Variants in MAP9 observed in about 807,000 individuals in gnomAD.
MAP9 encodes the protein microtubule associated protein 9.
A neutral mutation model predicts 75.2 loss-of-function variants in MAP9; 80 were observed. The ratio of observed to expected loss-of-function variants is 1.06; its 90% confidence interval spans 0.89 to 1.28. The LOEUF (loss-of-function observed/expected upper bound fraction) is 1.28. Ranked by LOEUF, MAP9 falls within the 50% of genes most tolerant of loss-of-function variation. The pLI is 0.00. For synonymous variants in MAP9, 235 were observed against 237.3 expected (o/e 0.99, Z 0.09); for missense variants, 753 against 719.9 (o/e 1.05, Z -0.53).
In MAP9 at chr4:155,355,120, T is replaced by C; in HGVS notation, c.1331A>G (p.His444Arg). 2 of 1,409,694 alleles carry C rather than the reference T, an allele frequency of 1.4e-6. No homozygotes were observed. Among genetic ancestry groups the C allele is most frequent in the Non-Finnish European group, 1.9e-6 (2 of 1,037,506 alleles). The allele number at this position is 1,409,694 out of a possible 1,614,324, so 87.3% of individuals were successfully genotyped here. Residue 444 changes from histidine to arginine, a missense_variant, in exon 10 of 14, where the codon CAC becomes CGC. Physicochemically the swap from His to Arg is conservative, Grantham distance 29. Coordinates refer to ENST00000311277, the MANE Select transcript of MAP9 (RefSeq NM_001039580.2). ...TTCACTTTCAATTCTTTTTATTCTG[T>C]GCATTTCATGTAAATACACATTTTT... is the stretch of plus-strand genomic sequence containing the variant. ...EKKNVYLHEM[H>R]RIKRIESENL...
At chr4:155,356,609 T>C (rs781093131) in intron 8 of MAP9, among the ~76,000 whole-genome samples, 54 of 152,154 alleles carry the variant, frequency 3.5e-4, no homozygotes, top group Non-Finnish European at 6.8e-4. Flanking sequence ...TTAGAAAGAA[T>C]AGTACTATCT....
rs41280485 is a variant in MAP9 at position 155,375,758 on chromosome 4, C to T, written c.75+18G>A. 0.081 allele frequency: 124,123 copies of T among 1,525,910 alleles called. 5,961 individuals carry two copies. Among genetic ancestry groups the T allele is most frequent in the Middle Eastern group, 0.13 (788 of 5,880 alleles). The allele number at this position is 1,525,910 out of a possible 1,614,324, so 94.5% of individuals were successfully genotyped here. ...CAGTGTTTACACTGTGAAATGATTC[C>T]AAATAAAAATACTTTACCTGGAAAG... is the stretch of plus-strand genomic sequence containing the variant. On this transcript the variant is annotated intron_variant, in intron 2 of 13. Coordinates refer to ENST00000311277, the MANE Select transcript of MAP9 (RefSeq NM_001039580.2).
intron 4 of MAP9, among the ~76,000 whole-genome samples, chr4:155,372,340 C>T (rs1374485262): frequency 2.0e-5 from 3 of 152,150 alleles, no homozygotes; most frequent in Non-Finnish European, 2.9e-5. Context: ...TTAACATCAA[C>T]TAATAATTCC....
intron 13 of MAP9, chr4:155,350,895 GGA>G (rs1731483082): frequency 1.3e-5 from 2 of 151,876 alleles, no homozygotes; most frequent in African/African-American, 4.8e-5. Flanking sequence ...GTGTTGTTCA[GGA>G]GAGTTCTACA....
chr4:155,352,885 A>G, intron 12 of MAP9, 27 bp downstream of exon 12: 2 of 1,470,198 alleles, frequency 1.4e-6, no homozygotes, highest in Non-Finnish European at 1.8e-6. Flanking sequence ...TTTAAAATAT[A>G]TCAAAATATT....
intron 5 of MAP9, 73 bp from the exon 6 acceptor site, chr4:155,362,214 T>A (rs1732116916): frequency 3.3e-6 from 3 of 918,608 alleles, no homozygotes; most frequent in Non-Finnish European, 5.0e-6. Flanking sequence ...ATAGCATTAT[T>A]AAAACTACAA....
chr4:155,362,209 A>T, intron 5 of MAP9, 68 bp from the exon 6 acceptor site: 1 of 961,564 alleles, frequency 1.0e-6, no homozygotes. Context: ...GAACAATAGC[A>T]TTATTAAAAC....
intron 5 of MAP9, among the ~76,000 whole-genome samples, chr4:155,363,590 A>G (rs1218896544): frequency 6.6e-6 from 1 of 152,132 alleles, no homozygotes; most frequent in African/African-American, 2.4e-5. Context: ...AAAAAATACC[A>G]ATAGAAAATC....
Position 155,345,012 on chromosome 4 carries a change from T to G in MAP9, c.*2771A>C, listed in dbSNP as rs1421992763. On this transcript the variant is annotated 3_prime_UTR_variant, in exon 14 of 14. Coordinates refer to ENST00000311277, the MANE Select transcript of MAP9 (RefSeq NM_001039580.2). ...TCCTTAATTTGAATTAAACATTCCC[T>G]TATAATACAAATTAATGTAAACCTA... 1 of 152,004 alleles carries G rather than the reference T, an allele frequency of 6.6e-6. No individual in the cohort carries two copies. The highest frequency in any genetic ancestry group is 1.5e-5 in the Non-Finnish European group (1 of 67,908). The allele number at this position is 152,004 out of a possible 1,614,324, so 9.4% of individuals were successfully genotyped here.
At chr4:155,375,324 G>A (rs1732793051) in intron 2 of MAP9, among the ~76,000 whole-genome samples, 1 of 151,958 alleles carries the variant, frequency 6.6e-6, no homozygotes, top group African/African-American at 2.4e-5. Context: ...AAATAAGAAG[G>A]GGCTCAATTT....
At chr4:155,362,173 A>G in intron 5 of MAP9, 32 bp from the exon 6 acceptor site, 1 of 1,234,006 alleles carries the variant, frequency 8.1e-7, no homozygotes, top group Non-Finnish European at 1.1e-6. Flanking sequence ...CATTTGCCAC[A>G]TAAGTTTAAT....
At chr4:155,357,933 T>G (rs1731879214) in intron 7 of MAP9, among the ~76,000 whole-genome samples, 1 of 151,976 alleles carries the variant, frequency 6.6e-6, no homozygotes, top group African/African-American at 2.4e-5. Flanking sequence ...CTGTTATCTC[T>G]GAAAAACAGA....
rs560260097 is a variant in MAP9, at chr4:155,375,946, T to G, written c.-64-32A>C. ...TATACAAAACAAATCAGACTTCGCA[T>G]GCTTCAGAATTTATTTTATTACATT... On this transcript the variant is annotated intron_variant, in intron 1 of 13. Transcript: ENST00000311277. The G allele has an allele frequency of 1.1e-4, 83 of 777,748 alleles. No individual in the cohort carries two copies. In the African/African-American group the frequency reaches 1.4e-3, roughly 13 times the overall value. The allele number at this position is 777,748 out of a possible 1,614,324, so 48.2% of individuals were successfully genotyped here.
rs1731592315 is a variant in MAP9 at position 155,353,067 on chromosome 4, T to A, written c.1543-10A>T. ...TCCATTTTTCAAAAGCCTGAAAAAG[T>A]TCAGAATAATTTTCTTACTGTGAAT... On this transcript the variant is annotated splice_polypyrimidine_tract_variant and intron_variant, in intron 11 of 13. Coordinates refer to ENST00000311277, the MANE Select transcript of MAP9 (RefSeq NM_001039580.2). The A allele has an allele frequency of 6.5e-7, 1 of 1,540,092 alleles. No homozygotes were observed. The highest frequency in any genetic ancestry group is 8.7e-7 in the Non-Finnish European group (1 of 1,143,024).
At position 155,374,997 on chromosome 4, in the gene MAP9, C is replaced by A. The variant is rs776603825; in HGVS notation, c.100G>T (p.Ala34Ser). 16 of 1,586,390 alleles carry A rather than the reference C, an allele frequency of 1.0e-5. No individual in the cohort carries two copies. Among genetic ancestry groups the A allele is most frequent in the Non-Finnish European group, 1.4e-5 (16 of 1,159,560 alleles). ...GAACTCCTTTGTCTGGCTGAGCGAG[C>A]TGTAATTGCTCTTATTAGCTCATCC... Reference protein sequence around the residue: ...FQDELIRAITARSARQRSSEY... With the variant: ...FQDELIRAITSRSARQRSSEY... The change falls in exon 3 of 14, where the codon GCT becomes TCT. Residue 34 changes from alanine to serine, a missense_variant. Coordinates refer to ENST00000311277, the MANE Select transcript of MAP9 (RefSeq NM_001039580.2).
chr4:155,360,918 C>T (rs1732047903), intron 6 of MAP9: 1 of 155,542 alleles, frequency 6.4e-6, no homozygotes, highest in African/African-American at 2.4e-5. Flanking sequence ...TTTCATCTCA[C>T]CAAGATGTAG....
At chr4:155,355,427 GAA>G (rs1315499702) in intron 9 of MAP9, among the ~76,000 whole-genome samples, 1 of 151,912 alleles carries the variant, frequency 6.6e-6, no homozygotes, top group Non-Finnish European at 1.5e-5. Context: ...ACTTCAAGAA[GAA>G]AAAAATGAAA....
In MAP9 at chr4:155,355,772, G is replaced by A. The variant is rs1391364509; in HGVS notation, c.1234C>T (p.Gln412Ter). 1.2e-6 allele frequency: 2 copies of A among 1,613,814 alleles called. No individual in the cohort carries two copies. The highest frequency in any genetic ancestry group is 1.7e-6 in the Non-Finnish European group (2 of 1,179,942). ...CTATCAGGTTCTATGCTCTGTTTCT[G>A]TGAAGGTTTTTGGTCCAAGACTTTT... is the stretch of plus-strand genomic sequence containing the variant. ...TLKVLDQKPSQKQSIEPDRAD... is the reference protein window; with the variant it reads ...TLKVLDQKPS The change falls in exon 9 of 14, where the codon CAG (glutamine) becomes TAG (stop). Residue 412 changes from glutamine to a stop codon, truncating the protein, a stop_gained. Coordinates refer to ENST00000311277, the MANE Select transcript of MAP9 (RefSeq NM_001039580.2). LOFTEE classifies it high-confidence loss of function.
Position 155,375,847 on chromosome 4 carries a change from A to C in MAP9, c.4T>G (p.Ser2Ala). 6.2e-7 allele frequency: 1 copy of C among 1,605,796 alleles called. No homozygotes were observed. Among genetic ancestry groups the C allele is most frequent in the Non-Finnish European group, 8.5e-7 (1 of 1,174,640 alleles). The stretch of plus-strand genomic sequence containing the variant: ...AAAGTGGTGCTAAAAACTTCATCAG[A>C]CATAGTGTATTTTTTCTCGTTACCT... MSDEVFSTTLAY... is the reference protein window; with the variant it reads MADEVFSTTLAY... Residue 2 changes from serine (S) to alanine (A), a missense_variant, in exon 2 of 14, where the codon TCT becomes GCT. Transcript: ENST00000311277.
Sources: gnomAD v4.1 joint callset for allele counts (sites outside exome capture counted in the v4.1 genomes callset) on GRCh38, gnomAD v4.1.1 for gene constraint, MANE v1.5 for transcripts, NCBI Gene and HGNC (gene_info 2026-07-23, HGNC 2026-07-21) for gene names.